The following SCRG1 variants were observed in gnomAD, a reference collection of about 807,000 sequenced individuals.
SCRG1 encodes stimulator of chondrogenesis 1.
Under a neutral mutation model 7.7 loss-of-function variants are expected in SCRG1, and 3 were observed. The observed-to-expected ratio is 0.39, with a 90% confidence interval of 0.18 to 1.01. The LOEUF is 1.01. Ranked by LOEUF, SCRG1 falls within the 50% of genes least tolerant of loss-of-function variation. SCRG1 has a pLI of 0.36. For missense variants in SCRG1, 110 were observed against 117.2 expected, an observed-to-expected ratio of 0.94 and a Z score of 0.28; for synonymous variants, 46 against 41.2, an observed-to-expected ratio of 1.12 and a Z score of -0.44.
At chr4:173,389,409 G>A (rs1236704832) in intron 2 of SCRG1, among the ~76,000 whole-genome samples, 2 of 152,064 alleles carry the variant, frequency 1.3e-5, no homozygotes, top group African/African-American at 4.8e-5. Context: ...GGTGGCGGGC[G>A]CCTGTAGTCC....
chr4:173,481,208 A>G, the SCRG1 span, among the ~76,000 whole-genome samples: 1 of 152,208 alleles, frequency 6.6e-6, no homozygotes, highest in Non-Finnish European at 1.5e-5. Flanking sequence ...ATGAGATACA[A>G]ACAAAAATTT....
chr4:173,508,460 G>A, the SCRG1 span, among the ~76,000 whole-genome samples: 1 of 152,006 alleles, frequency 6.6e-6, no homozygotes, highest in South Asian at 2.1e-4. The surrounding 1 kb of genome is among the most constrained non-coding windows in gnomAD (Gnocchi z 4.4). Context: ...CCCCACCACC[G>A]CCAACACACA....
the SCRG1 span, among the ~76,000 whole-genome samples, chr4:173,455,135 C>T: frequency 5.9e-5 from 9 of 152,058 alleles, no homozygotes; most frequent in South Asian, 1.2e-3. Context: ...GGGTCCTCAG[C>T]GATTCTACGG....
At chr4:173,470,323 G>C in the SCRG1 span, among the ~76,000 whole-genome samples, 1 of 152,084 alleles carries the variant, frequency 6.6e-6, no homozygotes, top group Non-Finnish European at 1.5e-5. Context: ...CCACCATGCA[G>C]GTCATATGAG....
chr4:173,445,954 G>A, the SCRG1 span, among the ~76,000 whole-genome samples: 1 of 152,250 alleles, frequency 6.6e-6, no homozygotes, highest in South Asian at 2.1e-4. Context: ...ATGAGCCACT[G>A]CACCTGGCCT....
At chr4:173,397,032 G>A (rs566499916) in intron 1 of SCRG1, among the ~76,000 whole-genome samples, 13 of 152,196 alleles carry the variant, frequency 8.5e-5, no homozygotes, top group Middle Eastern at 3.4e-3. Flanking sequence ...CAGCCTGCGC[G>A]ATGGAGCCAG....
chr4:173,505,998 G>A, the SCRG1 span, among the ~76,000 whole-genome samples: 10 of 152,350 alleles, frequency 6.6e-5, no homozygotes, highest in Non-Finnish European at 1.2e-4. This position sits in a 1 kb window ranked among gnomAD's most constrained non-coding sequence, Gnocchi z 4.4. Flanking sequence ...GTTTCCCCGT[G>A]CTTCTAAGCC....
chr4:173,456,153 C>T, the SCRG1 span, among the ~76,000 whole-genome samples: 4 of 152,268 alleles, frequency 2.6e-5, no homozygotes, highest in South Asian at 4.2e-4. Flanking sequence ...CAATAGGACT[C>T]GAGCAGCTGA....
the SCRG1 span, among the ~76,000 whole-genome samples, chr4:173,483,935 TA>T: frequency 4.3e-5 from 3 of 69,926 alleles, 1 homozygote; most frequent in African/African-American, 1.8e-4. Flanking sequence ...ATTTCATATA[TA>T]ATATAAATCA....
rs1165645237 is a variant in SCRG1, at chr4:173,391,161, C to A, written c.242+12G>T. On this transcript the variant is annotated intron_variant, in intron 2 of 2. Coordinates refer to ENST00000296506, the MANE Select transcript of SCRG1 (RefSeq NM_007281.4). ...TTTCCAGGCAATACACTTTGTGATA[C>A]CATTTCCTTACTTTGGGCAGCAGAG... 3 of 1,613,338 alleles carry A rather than the reference C, an allele frequency of 1.9e-6. No homozygotes were observed. In the African/African-American group the frequency reaches 4.0e-5, roughly 22 times the overall value.
chr4:173,406,935 T>A (rs1739921500), upstream of SCRG1, among the ~76,000 whole-genome samples: 2 of 152,140 alleles, frequency 1.3e-5, no homozygotes, highest in South Asian at 2.1e-4. Flanking sequence ...GCGCTGGGCA[T>A]GGTGGCTCAC....
the SCRG1 span, among the ~76,000 whole-genome samples, chr4:173,514,184 C>G: frequency 7.9e-5 from 12 of 152,142 alleles, no homozygotes; most frequent in East Asian, 2.3e-3. Flanking sequence ...GCACACTAGT[C>G]CTCTCCTCCC....
At chr4:173,517,483 T>A in the SCRG1 span, among the ~76,000 whole-genome samples, 1 of 152,146 alleles carries the variant, frequency 6.6e-6, no homozygotes, top group Non-Finnish European at 1.5e-5. Flanking sequence ...AACTGCTATT[T>A]TTTTTTTCTG....
chr4:173,393,549 A>T (rs1279522039), intron 1 of SCRG1, among the ~76,000 whole-genome samples: 1 of 152,180 alleles, frequency 6.6e-6, no homozygotes, highest in African/African-American at 2.4e-5. Context: ...GTGATCTATC[A>T]TGGAGAATTT....
chr4:173,409,281 T>C (rs1739988582), upstream of SCRG1, among the ~76,000 whole-genome samples: 1 of 152,180 alleles, frequency 6.6e-6, no homozygotes, highest in Admixed American at 6.5e-5. Context: ...GTAGACCATG[T>C]CCCTCTTAAC....
At chr4:173,409,005 AAAAAAAAAAG>A (rs1274388653), upstream of SCRG1, among the ~76,000 whole-genome samples, 1 of 151,254 alleles carries the variant, frequency 6.6e-6, no homozygotes. Context: ...AAAAAAAAAA[AAAAAAAAAAG>A]AAAAGAAAAG....
At chr4:173,514,675 A>C in the SCRG1 span, among the ~76,000 whole-genome samples, 1 of 152,232 alleles carries the variant, frequency 6.6e-6, no homozygotes, top group African/African-American at 2.4e-5. Flanking sequence ...TGGATGCCAA[A>C]AAGATTTTAA....
At chr4:173,418,526 T>G in the SCRG1 span, among the ~76,000 whole-genome samples, 2 of 152,146 alleles carry the variant, frequency 1.3e-5, no homozygotes, top group South Asian at 2.1e-4. Flanking sequence ...GAATTTGGTG[T>G]TGTTTGTTGC....
chr4:173,501,120 A>C, the SCRG1 span, among the ~76,000 whole-genome samples: 1 of 152,020 alleles, frequency 6.6e-6, no homozygotes, highest in Non-Finnish European at 1.5e-5. The surrounding 1 kb of genome is among the most constrained non-coding windows in gnomAD (Gnocchi z 5.1). Flanking sequence ...CGGAGTGAGG[A>C]GTGTTGGCCC....
Sources: allele counts gnomAD v4.1 joint callset (sites outside exome capture counted in the v4.1 genomes callset), GRCh38; gene constraint gnomAD v4.1.1; non-coding constraint Gnocchi (gnomAD v3.1); transcripts MANE v1.5; gene names NCBI Gene and HGNC (gene_info 2026-07-23, HGNC 2026-07-21).